Variants in ACSS3 observed in about 807,000 individuals in gnomAD.
ACSS3 encodes acyl-CoA synthetase short-chain family member 3, mitochondrial.
In ACSS3, 64 loss-of-function variants were observed where a neutral mutation model predicts 84.2. The observed-to-expected ratio is 0.76, with a 90% CI of 0.62 to 0.94. The LOEUF (loss-of-function observed/expected upper bound fraction) is 0.94. ACSS3 is among the 40% of genes least tolerant of loss of function. The pLI is 0.00. For synonymous variants in ACSS3, 317 were observed against 310.1 expected (o/e 1.02, Z -0.23); for missense variants, 815 against 867.6 (o/e 0.94, Z 0.76).
chr12:81,080,222 G>A (rs1380947892), intron 1 of ACSS3, among the ~76,000 whole-genome samples: 1 of 152,074 alleles, frequency 6.6e-6, no homozygotes, highest in Non-Finnish European at 1.5e-5. Context: ...GATTCGAGAG[G>A]ACAATTAGGG....
intron 7 of ACSS3, among the ~76,000 whole-genome samples, chr12:81,155,998 C>T (rs1214397666): frequency 6.6e-6 from 1 of 152,018 alleles, no homozygotes; most frequent in African/African-American, 2.4e-5. Flanking sequence ...TAAACGAAAA[C>T]CTGGGCCACG....
intron 11 of ACSS3, among the ~76,000 whole-genome samples, chr12:81,226,371 G>A (rs180906102): frequency 3.4e-4 from 51 of 151,262 alleles, no homozygotes; most frequent in Admixed American, 2.6e-3. Context: ...ATATTTAGCC[G>A]TAGAACTATT....
intron 8 of ACSS3, among the ~76,000 whole-genome samples, chr12:81,178,569 A>G (rs954891048): frequency 4.1e-4 from 62 of 152,218 alleles, no homozygotes; most frequent in African/African-American, 1.5e-3. Context: ...AGAATAAAAT[A>G]CCTAGGAATA....
chr12:81,078,701 T>C (rs1295067030), intron 1 of ACSS3, among the ~76,000 whole-genome samples: 1 of 152,102 alleles, frequency 6.6e-6, no homozygotes, highest in Non-Finnish European at 1.5e-5. Flanking sequence ...GCAGTGGGAA[T>C]AGTAAGAAAA....
Position 81,137,887 on chromosome 12 carries a change from T to C in ACSS3, c.646-1244T>C, listed in dbSNP as rs187148280. Among the ~76,000 whole-genome samples, 230 of 152,240 alleles carry C rather than the reference T, an allele frequency of 1.5e-3. 1 individual carries two copies. The highest frequency in any genetic ancestry group is 5.2e-3 in the African/African-American group (218 of 41,548). ...GAAACAAGACTTTCTGCTTTTTTTT[T>C]CCTTTTTGTTTTAAGGCAGCTTGAT... is the stretch of plus-strand genomic sequence containing the variant. On this transcript the variant is annotated intron_variant, in intron 3 of 15. Coordinates refer to ENST00000548058, the MANE Select transcript of ACSS3 (RefSeq NM_024560.4).
intron 7 of ACSS3, among the ~76,000 whole-genome samples, chr12:81,170,072 T>G (rs1308574756): frequency 2.6e-5 from 4 of 152,144 alleles, no homozygotes; most frequent in Non-Finnish European, 5.9e-5. Context: ...CAAGTAGTCT[T>G]AACCTCAAGA....
intron 1 of ACSS3, among the ~76,000 whole-genome samples, chr12:81,107,511 C>CACACACAT (rs1403415163): frequency 1.3e-4 from 5 of 38,834 alleles, no homozygotes; most frequent in Admixed American, 4.3e-4. Flanking sequence ...CAAATATATA[C>CACACACAT]ATATATATAT....
intron 9 of ACSS3, among the ~76,000 whole-genome samples, chr12:81,203,219 G>A: frequency 6.6e-6 from 1 of 152,184 alleles, no homozygotes; most frequent in East Asian, 1.9e-4. Context: ...AACTTCAGCA[G>A]TTGGATGCAC....
chr12:81,109,974 G>T (rs564930898), intron 2 of ACSS3, among the ~76,000 whole-genome samples: 1 of 152,024 alleles, frequency 6.6e-6, no homozygotes, highest in Non-Finnish European at 1.5e-5. Flanking sequence ...TCTTCCTCTG[G>T]TCTTTACTCT....
At chr12:81,133,416 C>A (rs550776825) in intron 2 of ACSS3, among the ~76,000 whole-genome samples, 4 of 152,124 alleles carry the variant, frequency 2.6e-5, no homozygotes, top group Non-Finnish European at 4.4e-5. Flanking sequence ...CTGACCTGAT[C>A]GACAACTGTC....
At chr12:81,099,767 A>G (rs35813855) in intron 1 of ACSS3, among the ~76,000 whole-genome samples, 8,506 of 152,208 alleles carry the variant, frequency 0.056, 348 homozygotes, top group Middle Eastern at 0.1. Context: ...TTTGAATAGT[A>G]AATACATATT....
At chr12:81,149,878 T>C (rs560107832) in intron 5 of ACSS3, among the ~76,000 whole-genome samples, 2 of 152,302 alleles carry the variant, frequency 1.3e-5, no homozygotes, top group Admixed American at 6.5e-5. Context: ...TAAATTTTAG[T>C]CTTTACAACT....
chr12:81,121,915 A>ATATTATTATTAT (rs10527532), intron 2 of ACSS3, among the ~76,000 whole-genome samples: 6,014 of 146,072 alleles, frequency 0.041, 187 homozygotes, highest in South Asian at 0.1. Context: ...AGAGTATGCT[A>ATATTATTATTAT]TATTATTATT....
intron 2 of ACSS3, among the ~76,000 whole-genome samples, chr12:81,126,794 T>G (rs1415214111): frequency 2.6e-5 from 4 of 152,090 alleles, no homozygotes; most frequent in Non-Finnish European, 5.9e-5. Context: ...TGAAAATGAC[T>G]AAATATTGAT....
chr12:81,154,751 T>C (rs1886780094), intron 7 of ACSS3, among the ~76,000 whole-genome samples: 1 of 152,196 alleles, frequency 6.6e-6, no homozygotes, highest in Non-Finnish European at 1.5e-5. Flanking sequence ...AAGGGCCTTG[T>C]TTAATCTGAT....
intron 7 of ACSS3, among the ~76,000 whole-genome samples, chr12:81,172,126 G>A (rs1434854717): frequency 1.3e-5 from 2 of 151,900 alleles, no homozygotes; most frequent in Non-Finnish European, 1.5e-5. Flanking sequence ...AACTAGCTGG[G>A]CATGGTGGCA....
At chr12:81,138,218 A>G (rs1180674211) in intron 3 of ACSS3, among the ~76,000 whole-genome samples, 1 of 152,202 alleles carries the variant, frequency 6.6e-6, no homozygotes, top group African/African-American at 2.4e-5. Flanking sequence ...GAAACAATGT[A>G]CTTAAAAATA....
intron 2 of ACSS3, among the ~76,000 whole-genome samples, chr12:81,113,667 T>A (rs1883792245): frequency 6.6e-6 from 1 of 152,102 alleles, no homozygotes; most frequent in South Asian, 2.1e-4. Context: ...TCCAAGTGAC[T>A]CTAGCTTCTT....
chr12:81,245,639 T>C (rs763835589), intron 13 of ACSS3, among the ~76,000 whole-genome samples: 4 of 152,088 alleles, frequency 2.6e-5, no homozygotes, highest in Non-Finnish European at 5.9e-5. Context: ...ACAGCTCGGG[T>C]TTTACAACCT....
Sources: allele counts gnomAD v4.1 joint callset (sites outside exome capture counted in the v4.1 genomes callset), GRCh38; gene constraint gnomAD v4.1.1; transcripts MANE v1.5; gene names NCBI Gene and HGNC (gene_info 2026-07-23, HGNC 2026-07-21).